RHOXF1: variants seen among roughly 807,000 people sequenced by gnomAD.
The protein encoded by RHOXF1 is Rhox homeobox family member 1, also known as PEPP subfamily gene 1.
RHOXF1 carries 1 observed loss-of-function variant against 9.7 expected under a neutral mutation model. The observed-to-expected ratio is 0.10, with a 90% confidence interval of 0.04 to 0.49. The LOEUF (loss-of-function observed/expected upper bound fraction) is 0.49, where lower values mean the gene tolerates loss of function less well. RHOXF1 is among the 20% of genes least tolerant of loss of function. The probability of loss-of-function intolerance (pLI) is 0.95; values close to 1 mark genes in which losing one functional copy is unlikely to be tolerated. For missense variants in RHOXF1, 179 were observed against 168.0 expected (o/e 1.07, Z -0.36); for synonymous variants, 72 against 70.2 (o/e 1.03, Z -0.13).
chrX:120,110,451 G>C (rs782135157), intron 2 of RHOXF1, among the ~76,000 whole-genome samples: 90 of 111,615 alleles, frequency 8.1e-4, no homozygotes, highest in Non-Finnish European at 8.1e-4. Context: ...GACAAGGTCA[G>C]CTCACTCTGT....
chrX:120,115,221 C>T (rs1556000350), intron 1 of RHOXF1, among the ~76,000 whole-genome samples: 1 of 111,794 alleles, frequency 8.9e-6, no homozygotes, highest in Non-Finnish European at 1.9e-5. Context: ...TTCATATTTC[C>T]GTGTATTTTA....
At position 120,114,960 on chromosome X, in the gene RHOXF1, AG is replaced by A. The variant is rs782768942; in HGVS notation, c.398+504del. Among the ~76,000 whole-genome samples, 5 of 112,416 alleles carry A rather than the reference AG, an allele frequency of 4.4e-5. No homozygotes were observed. In the South Asian group the frequency reaches 1.9e-3, roughly 42 times the overall value. ...GACCTTATGCTAAGTGAAATAAGTC[AG>A]TGACAAAAATGCAAATACTGTATGA... On this transcript the variant is annotated intron_variant, in intron 1 of 2. Coordinates refer to ENST00000217999, the MANE Select transcript of RHOXF1 (RefSeq NM_139282.3).
chrX:120,113,416 C>T (rs1019300131), intron 1 of RHOXF1, among the ~76,000 whole-genome samples: 2 of 109,833 alleles, frequency 1.8e-5, no homozygotes, highest in South Asian at 4.0e-4. Flanking sequence ...CATGAACCAC[C>T]GCACCCGGCC....
In RHOXF1 at chrX:120,115,618, T is replaced by TGCG; in HGVS notation, c.242_244dup (p.Pro81dup). 8.5e-7 allele frequency: 1 copy of TGCG among 1,169,747 alleles called. No individual in the cohort carries two copies. The highest frequency in any genetic ancestry group is 1.1e-6 in the Non-Finnish European group (1 of 874,217). ...CTGGGCCGGCTCCTCCGGCGGGGGC[T>TGCG]GCGGCTGCTGCCGAGGCTCCTGGTT... On this transcript the variant is annotated inframe_insertion, in exon 1 of 3. Coordinates refer to ENST00000217999, the MANE Select transcript of RHOXF1 (RefSeq NM_139282.3).
chrX:120,109,123 C>G lies in RHOXF1; in HGVS notation c.*69G>C, dbSNP rs1249075397. 1.5e-6 allele frequency: 1 copy of G among 659,283 alleles called. No homozygotes were observed. The highest frequency in any genetic ancestry group is 2.4e-6 in the Non-Finnish European group (1 of 411,494). 54.3% of individuals were successfully genotyped at this position (659,283 alleles called of 1,213,427 possible). A position where few individuals can be genotyped will look rare whatever the true frequency, so the allele number is the denominator to read the frequency against. On this transcript the variant is annotated 3_prime_UTR_variant, in exon 3 of 3. Coordinates refer to ENST00000217999, the MANE Select transcript of RHOXF1 (RefSeq NM_139282.3). The stretch of plus-strand genomic sequence containing the variant: ...AGGGTAGCCTGAGCGGCATGGGCAG[C>G]CCAGGTGTCAGTGGCACCAGAAAAA...
Position 120,109,151 on chromosome X carries a change from C to A in RHOXF1, c.*41G>T. The stretch of plus-strand genomic sequence containing the variant: ...AGGTGTCAGTGGCACCAGAAAAACC[C>A]ATCTCCAAACTAGCTCCTGAAGAAG... On this transcript the variant is annotated 3_prime_UTR_variant, in exon 3 of 3. Coordinates refer to ENST00000217999, the MANE Select transcript of RHOXF1 (RefSeq NM_139282.3). 1 of 952,245 alleles carries A rather than the reference C, an allele frequency of 1.1e-6. No homozygotes were observed. Among genetic ancestry groups the A allele is most frequent in the Non-Finnish European group, 1.5e-6 (1 of 671,668 alleles). 78.5% of individuals were successfully genotyped at this position (952,245 alleles called of 1,213,427 possible).
intron 2 of RHOXF1, 57 bp from the exon 3 acceptor site, chrX:120,109,359 T>C (rs182548920): frequency 1.7e-5 from 12 of 712,269 alleles, no homozygotes; most frequent in East Asian, 3.3e-5. Flanking sequence ...AATGTCGTAA[T>C]AGAAAAACAC....
At chrX:120,112,753 C>A in intron 2 of RHOXF1, 116 bp downstream of exon 2, 1 of 449,277 alleles carries the variant, frequency 2.2e-6, no homozygotes, top group Non-Finnish European at 3.7e-6. Context: ...ATAAAAAAGA[C>A]AATAATAAAA....
chrX:120,112,942 G>A, intron 1 of RHOXF1, 28 bp from the exon 2 acceptor site: 1 of 1,071,139 alleles, frequency 9.3e-7, no homozygotes. Context: ...CACATGGTTA[G>A]TATTCAAAGT....
chrX:120,116,935 G>C (rs2057299295), upstream of RHOXF1, among the ~76,000 whole-genome samples: 1 of 111,859 alleles, frequency 8.9e-6, no homozygotes, highest in Admixed American at 9.4e-5. Context: ...GGTATAGGAA[G>C]AGCACCAGTA....
chrX:120,115,947 A>C, upstream of RHOXF1: 4 of 891,602 alleles, frequency 4.5e-6, no homozygotes, highest in Non-Finnish European at 5.9e-6. Flanking sequence ...TCCTGTTCTC[A>C]TGCTTGGTAT....
Position 120,112,892 on chromosome X carries a change from C to T in RHOXF1, c.421G>A (p.Gly141Ser). 8.3e-7 allele frequency: 1 copy of T among 1,199,497 alleles called. No individual in the cohort carries two copies. The highest frequency in any genetic ancestry group is 1.1e-6 in the Non-Finnish European group (1 of 885,400). The change falls in exon 2 of 3, where the codon GGT becomes AGT. Residue 141 changes from glycine (G) to serine (S), a missense_variant. Gly to Ser is a moderately conservative substitution (Grantham distance 56, BLOSUM62 0). Coordinates refer to ENST00000217999, the MANE Select transcript of RHOXF1 (RefSeq NM_139282.3). ...PTRRELAENLGVTEDKVRVWF... is the reference protein window; with the variant it reads ...PTRRELAENLSVTEDKVRVWF... ...ACCCGCACTTTGTCTTCAGTCACACCTAAGTTTTCGGCAAGTTCCCTTCTG... is the reference window on the plus strand; with the variant it reads ...ACCCGCACTTTGTCTTCAGTCACACTTAAGTTTTCGGCAAGTTCCCTTCTG...
At position 120,109,418 on chromosome X, in the gene RHOXF1, G is replaced by A; in HGVS notation, c.445-116C>T. 1.4e-5 allele frequency: 6 copies of A among 435,921 alleles called. No homozygotes were observed. In the South Asian group the frequency reaches 2.9e-4, roughly 21 times the overall value. 35.9% of individuals were successfully genotyped at this position (435,921 alleles called of 1,213,427 possible). On this transcript the variant is annotated intron_variant, in intron 2 of 2. Transcript: ENST00000217999. Reference sequence around the variant, plus strand: ...GAGATTTTAAACTGCATCAGGAAAAGCTATTTCCTCATTGCTAAAATACCT... The same window carrying A: ...GAGATTTTAAACTGCATCAGGAAAAACTATTTCCTCATTGCTAAAATACCT...
upstream of RHOXF1, chrX:120,115,977 T>A: frequency 3.9e-6 from 2 of 518,311 alleles, no homozygotes; most frequent in Non-Finnish European, 2.5e-6. Context: ...TTGCAATGAG[T>A]GGGACTTGCT....
intron 1 of RHOXF1, among the ~76,000 whole-genome samples, chrX:120,113,190 G>A (rs1381103775): frequency 9.1e-6 from 1 of 110,411 alleles, no homozygotes; most frequent in African/African-American, 3.3e-5. Flanking sequence ...CTCCTAGGCT[G>A]GAGTGCAGTG....
upstream of RHOXF1, chrX:120,116,458 G>A (rs1032357058): frequency 1.8e-5 from 2 of 110,478 alleles, no homozygotes; most frequent in Non-Finnish European, 3.8e-5. Context: ...CCCTACTCGG[G>A]CCTAGTTATT....
At chrX:120,116,409 T>C (rs997749488), upstream of RHOXF1, 1 of 109,108 alleles carries the variant, frequency 9.2e-6, no homozygotes, top group Non-Finnish European at 1.9e-5. Flanking sequence ...CATATATGTA[T>C]GCAACATGGG....
At chrX:120,110,963 T>G (rs1468846487) in intron 2 of RHOXF1, among the ~76,000 whole-genome samples, 1 of 111,938 alleles carries the variant, frequency 8.9e-6, no homozygotes, top group African/African-American at 3.3e-5. Flanking sequence ...AAGTGTACAG[T>G]GGGTTAACTG....
intron 2 of RHOXF1, among the ~76,000 whole-genome samples, chrX:120,112,461 A>ATATATAATACACATATGTT (rs2057271507): frequency 1.3e-5 from 1 of 74,953 alleles, no homozygotes; most frequent in African/African-American, 5.6e-5. Context: ...ACATATGTAT[A>ATATATAATACACATATGTT]ATATATAATA....
Sources: allele counts gnomAD v4.1 joint callset (sites outside exome capture counted in the v4.1 genomes callset), GRCh38; gene constraint gnomAD v4.1.1; transcripts MANE v1.5; gene names NCBI Gene and HGNC (gene_info 2026-07-23, HGNC 2026-07-21).